The following CYP4F22 variants were observed in gnomAD, a reference collection of about 807,000 sequenced individuals.
CYP4F22 encodes ultra-long-chain fatty acid omega-hydroxylase.
A neutral mutation model predicts 60.4 loss-of-function variants in CYP4F22; 37 were observed. The observed-to-expected ratio is 0.61, with a 90% CI of 0.47 to 0.81. The LOEUF (loss-of-function observed/expected upper bound fraction) is 0.81. Among genes scored for constraint, CYP4F22 ranks in the 30% least tolerant of loss-of-function variants. CYP4F22 has a pLI of 0.00. For synonymous variants in CYP4F22, 258 were observed against 280.5 expected (o/e 0.92, Z 0.80); for missense variants, 655 against 715.0 (o/e 0.92, Z 0.96).
chr19:15,537,458 A>G, intron 5 of CYP4F22, 44 bp downstream of exon 5: 1 of 1,614,102 alleles, frequency 6.2e-7, no homozygotes, highest in African/African-American at 1.3e-5. Flanking sequence ...TTTAGAGAAG[A>G]GAGGGAAGAG....
chr19:15,510,966 A>ATTTTTTTTTTTTT (rs1555726127), intron 1 of CYP4F22, among the ~76,000 whole-genome samples: 1 of 103,336 alleles, frequency 9.7e-6, no homozygotes, highest in African/African-American at 4.6e-5. Context: ...ATATATATAT[A>ATTTTTTTTTTTTT]TTTTTTTTTT....
rs561226243 is a variant in CYP4F22, at chr19:15,540,020, T to A, written c.672-430T>A. ...ATTTATTTTAGGTACCAATCCCTTA[T>A]CAGATAGACAATTTGCAAATATTTT... On this transcript the variant is annotated intron_variant, in intron 7 of 13. Transcript: ENST00000269703. Among the ~76,000 whole-genome samples the A allele has an allele frequency of 3.3e-5, 5 of 152,348 alleles. No individual in the cohort carries two copies. The East Asian group carries it at 9.6e-4, about 29-fold the overall frequency.
At chr19:15,512,261 A>G (rs1001559982) in intron 1 of CYP4F22, among the ~76,000 whole-genome samples, 2 of 152,174 alleles carry the variant, frequency 1.3e-5, no homozygotes, top group African/African-American at 4.8e-5. Flanking sequence ...AAGGCTGCTA[A>G]CCTAGGGAAT....
chr19:15,548,571 AG>A (rs1971559927), intron 11 of CYP4F22, among the ~76,000 whole-genome samples: 1 of 152,122 alleles, frequency 6.6e-6, no homozygotes, highest in Non-Finnish European at 1.5e-5. Flanking sequence ...ACCCTGGCTC[AG>A]GTTTTGAGTA....
intron 1 of CYP4F22, among the ~76,000 whole-genome samples, chr19:15,510,237 C>T (rs750485857): frequency 6.6e-6 from 1 of 152,132 alleles, no homozygotes; most frequent in Non-Finnish European, 1.5e-5. Flanking sequence ...CCGCCTCAGC[C>T]TCCCAAAGTG....
Position 15,525,372 on chromosome 19 carries a change from G to C in CYP4F22, c.36G>C (p.Leu12=), listed in dbSNP as rs771977494. The C allele has an allele frequency of 1.2e-6, 2 of 1,613,986 alleles. No homozygotes were observed. The highest frequency in any genetic ancestry group is 2.2e-5 in the South Asian group (2 of 91,082). ...LPITDRLLHL[L]GLEKTAFRIY... is the part of the protein sequence containing the mutation. Reference sequence around the variant, plus strand: ...TCACAGACCGCCTGCTGCACCTCCTGGGGCTGGAGAAGACGGCGTTCCGCA... The same window carrying C: ...TCACAGACCGCCTGCTGCACCTCCTCGGGCTGGAGAAGACGGCGTTCCGCA... The change falls in exon 3 of 14, where the codon CTG becomes CTC. Residue 12 remains leucine (L), a synonymous_variant. Coordinates refer to ENST00000269703, the MANE Select transcript of CYP4F22 (RefSeq NM_173483.4).
At chr19:15,522,344 C>T (rs1275036432) in intron 1 of CYP4F22, among the ~76,000 whole-genome samples, 1 of 152,016 alleles carries the variant, frequency 6.6e-6, no homozygotes, top group Non-Finnish European at 1.5e-5. Context: ...TGATGACCCA[C>T]CCAGCTGTTT....
At chr19:15,541,610 G>A (rs1971463392) in intron 8 of CYP4F22, among the ~76,000 whole-genome samples, 1 of 152,108 alleles carries the variant, frequency 6.6e-6, no homozygotes, top group African/African-American at 2.4e-5. Context: ...GCTGGGCGTG[G>A]TGGCTCATAC....
chr19:15,529,087 G>A (rs1224494946), intron 3 of CYP4F22, among the ~76,000 whole-genome samples: 1 of 151,782 alleles, frequency 6.6e-6, no homozygotes, highest in African/African-American at 2.4e-5. Context: ...GTGACTACAG[G>A]CATGTCCCAC....
intron 4 of CYP4F22, among the ~76,000 whole-genome samples, chr19:15,535,131 T>C (rs910391908): frequency 1.3e-5 from 2 of 152,188 alleles, no homozygotes; most frequent in African/African-American, 2.4e-5. Context: ...ACTCCTGCTT[T>C]CCTCTTCAAT....
rs556044818 is a variant in CYP4F22 at position 15,514,631 on chromosome 19, G to A, written c.-109+6048G>A. The stretch of plus-strand genomic sequence containing the variant: ...AGTTGCAGGGAGCCAAGACTGTGCC[G>A]TTGCACTCCAGCCTGGGTGACAGAG... On this transcript the variant is annotated intron_variant, in intron 1 of 13. Transcript: ENST00000269703. Among the ~76,000 whole-genome samples the A allele has an allele frequency of 2.6e-4, 39 of 152,028 alleles. 1 individual carries two copies. The highest frequency in any genetic ancestry group is 9.2e-4 in the African/African-American group (38 of 41,450).
intron 1 of CYP4F22, among the ~76,000 whole-genome samples, chr19:15,511,468 A>G (rs946772968): frequency 6.6e-6 from 1 of 152,008 alleles, no homozygotes; most frequent in Admixed American, 6.6e-5. Context: ...AAAAAACAAA[A>G]CAAACAAACA....
At chr19:15,540,828 T>A in intron 8 of CYP4F22, 111 bp downstream of exon 8, 1 of 1,391,882 alleles carries the variant, frequency 7.2e-7, no homozygotes, top group Non-Finnish European at 9.9e-7. Context: ...CTCACACGTG[T>A]AATCCCAGCG....
chr19:15,524,527 T>G (rs1170126995), intron 2 of CYP4F22, among the ~76,000 whole-genome samples: 1 of 152,138 alleles, frequency 6.6e-6, no homozygotes, highest in Non-Finnish European at 1.5e-5. Flanking sequence ...GGCATGCACC[T>G]GTAGTCCCAG....
chr19:15,551,910 T>A lies in CYP4F22; in HGVS notation c.*439T>A. On this transcript the variant is annotated 3_prime_UTR_variant, in exon 14 of 14. Transcript: ENST00000269703. Reference sequence around the variant, plus strand: ...CACACCCCACCCCCCCCCAACTGGCTGAACCCCTGGCAGGCTTCCAAACTG... The same window carrying A: ...CACACCCCACCCCCCCCCAACTGGCAGAACCCCTGGCAGGCTTCCAAACTG... The A allele has an allele frequency of 1.3e-5, 2 of 149,288 alleles. No homozygotes were observed. The highest frequency in any genetic ancestry group is 1.3e-5 in the Non-Finnish European group (1 of 77,558). The allele number at this position is 149,288 out of a possible 1,614,324, so 9.2% of individuals were successfully genotyped here. A position where few individuals can be genotyped will look rare whatever the true frequency, so the allele number is the denominator to read the frequency against.
intron 3 of CYP4F22, among the ~76,000 whole-genome samples, chr19:15,528,016 C>T (rs1482654672): frequency 1.3e-5 from 2 of 152,156 alleles, no homozygotes; most frequent in Non-Finnish European, 2.9e-5. Context: ...AGCTAGGTGG[C>T]CTGGGTTCAG....
intron 1 of CYP4F22, among the ~76,000 whole-genome samples, chr19:15,514,469 C>T (rs6417254): frequency 0.54 from 82,603 of 151,882 alleles, 23,465 homozygotes; most frequent in Non-Finnish European, 0.63. Flanking sequence ...GGGTGGATCA[C>T]GAGGTCAGGA....
chr19:15,543,764 C>T (rs1043062206), intron 8 of CYP4F22, among the ~76,000 whole-genome samples: 3 of 150,676 alleles, frequency 2.0e-5, no homozygotes, highest in South Asian at 2.1e-4. Context: ...GGCTGAGGCA[C>T]GAGAATCACT....
At chr19:15,536,539 C>T (rs1180034098) in intron 4 of CYP4F22, among the ~76,000 whole-genome samples, 1 of 151,926 alleles carries the variant, frequency 6.6e-6, no homozygotes, top group African/African-American at 2.4e-5. Context: ...TCTCCTGGGG[C>T]CATTCATGAG....
Sources: gnomAD v4.1 joint callset for allele counts (sites outside exome capture counted in the v4.1 genomes callset) on GRCh38, gnomAD v4.1.1 for gene constraint, MANE v1.5 for transcripts, NCBI Gene and HGNC (gene_info 2026-07-23, HGNC 2026-07-21) for gene names.